The following PARD3B variants were observed in gnomAD, a reference collection of about 807,000 sequenced individuals.
The protein encoded by PARD3B is partitioning defective 3 homolog B.
Under a neutral mutation model 130.2 loss-of-function variants are expected in PARD3B, and 103 were observed. That is an observed-to-expected ratio of 0.79 (90% CI 0.67 to 0.93). The LOEUF (loss-of-function observed/expected upper bound fraction) is 0.93, where lower values mean the gene tolerates loss of function less well. Ranked by LOEUF, PARD3B falls within the 40% of genes least tolerant of loss-of-function variation. The pLI, the probability that PARD3B is intolerant of heterozygous loss-of-function variation, is 0.00. For missense variants in PARD3B, 1,609 were observed against 1,499.2 expected, an observed-to-expected ratio of 1.07 and a Z score of -1.21; for synonymous variants, 583 against 553.2, an observed-to-expected ratio of 1.05 and a Z score of -0.76.
At chr2:205,145,447 T>A (rs1233927165) in intron 10 of PARD3B, among the ~76,000 whole-genome samples, 2 of 152,258 alleles carry the variant, frequency 1.3e-5, no homozygotes, top group African/African-American at 4.8e-5. Flanking sequence ...TCTGCATCTT[T>A]AAAAGCCAGC....
At chr2:204,554,151 T>C (rs2030746718) in intron 1 of PARD3B, among the ~76,000 whole-genome samples, 1 of 152,156 alleles carries the variant, frequency 6.6e-6, no homozygotes, top group South Asian at 2.1e-4. Context: ...TGGTTGTTCC[T>C]TCTTTCCTCC....
chr2:204,629,435 CATCTTCA>C (rs1229878242), intron 1 of PARD3B, among the ~76,000 whole-genome samples: 5 of 152,134 alleles, frequency 3.3e-5, no homozygotes, highest in Non-Finnish European at 7.3e-5. Flanking sequence ...TGAATTCAGT[CATCTTCA>C]AAACCGTGTT....
intron 2 of PARD3B, among the ~76,000 whole-genome samples, chr2:204,753,406 T>C (rs1273699864): frequency 6.6e-6 from 1 of 152,176 alleles, no homozygotes. Context: ...AGTTCTTTGA[T>C]CTTATAGCTA....
chr2:205,197,925 T>C (rs943482358), intron 15 of PARD3B, among the ~76,000 whole-genome samples: 2 of 152,192 alleles, frequency 1.3e-5, no homozygotes, highest in African/African-American at 4.8e-5. Flanking sequence ...CATAGGGTTT[T>C]CCCCCAAAGA....
chr2:204,816,682 T>TA (rs1422104181), intron 2 of PARD3B, among the ~76,000 whole-genome samples: 8 of 152,018 alleles, frequency 5.3e-5, no homozygotes, highest in South Asian at 4.1e-4. Flanking sequence ...ATTTTTTTTT[T>TA]ACCACTGATT....
At chr2:205,364,332 C>T (rs536760460) in intron 18 of PARD3B, among the ~76,000 whole-genome samples, 166 of 152,230 alleles carry the variant, frequency 1.1e-3, no homozygotes, top group Admixed American at 1.6e-3. Flanking sequence ...TTAGTCTTGA[C>T]GTAGATAAGA....
intron 2 of PARD3B, among the ~76,000 whole-genome samples, chr2:204,804,235 A>G (rs980392287): frequency 1.3e-5 from 2 of 152,162 alleles, no homozygotes; most frequent in African/African-American, 2.4e-5. Context: ...TCTCAAAAAA[A>G]CAACTCTTGC....
At chr2:204,721,093 G>A (rs570621356) in intron 2 of PARD3B, among the ~76,000 whole-genome samples, 22 of 152,280 alleles carry the variant, frequency 1.4e-4, no homozygotes, top group African/African-American at 5.3e-4. Context: ...TCGCTGCAAA[G>A]CAGGGTGGGG....
At chr2:204,996,935 C>G (rs940396159) in intron 3 of PARD3B, among the ~76,000 whole-genome samples, 1 of 151,956 alleles carries the variant, frequency 6.6e-6, no homozygotes, top group Admixed American at 6.5e-5. Context: ...CGCCCTGCTT[C>G]GGCTCGCACA....
intron 2 of PARD3B, among the ~76,000 whole-genome samples, chr2:204,883,436 T>A (rs13026406): frequency 3.3e-4 from 33 of 101,336 alleles, no homozygotes; most frequent in Admixed American, 2.4e-3. Flanking sequence ...ATATATAAAA[T>A]ATATATATAT....
intron 1 of PARD3B, among the ~76,000 whole-genome samples, chr2:204,635,824 A>G (rs2034855356): frequency 6.6e-6 from 1 of 152,210 alleles, no homozygotes; most frequent in South Asian, 2.1e-4. Context: ...TAAATTATTA[A>G]TGTATCATAA....
At chr2:205,581,283 T>TAGATAGATATAGAC (rs1309815443) in intron 22 of PARD3B, among the ~76,000 whole-genome samples, 1 of 127,570 alleles carries the variant, frequency 7.8e-6, no homozygotes, top group Non-Finnish European at 1.6e-5. Context: ...TAGATATAGA[T>TAGATAGATATAGAC]ATATAGATAG....
At chr2:204,758,602 G>A (rs749174783) in intron 2 of PARD3B, among the ~76,000 whole-genome samples, 1 of 152,076 alleles carries the variant, frequency 6.6e-6, no homozygotes, top group South Asian at 2.1e-4. Context: ...ATTAAATAAC[G>A]TTTCTCCAGG....
At chr2:205,555,913 C>CAAATT (rs1458103894) in intron 22 of PARD3B, among the ~76,000 whole-genome samples, 1 of 152,128 alleles carries the variant, frequency 6.6e-6, no homozygotes, top group East Asian at 1.9e-4. Context: ...TGGGGGGCTC[C>CAAATT]AAATTAAACT....
intron 18 of PARD3B, among the ~76,000 whole-genome samples, chr2:205,312,418 G>A (rs1024233237): frequency 6.6e-6 from 1 of 152,202 alleles, no homozygotes; most frequent in South Asian, 2.1e-4. Context: ...GCTAGGTGGA[G>A]AAATACATTG....
rs762517798 is a variant in PARD3B at position 204,965,336 on chromosome 2, T to C, written c.394+13T>C. 1 of 1,610,844 alleles carries C rather than the reference T, an allele frequency of 6.2e-7. No homozygotes were observed. The highest frequency in any genetic ancestry group is 1.1e-5 in the South Asian group (1 of 90,652). ...GCTCTAAAACTAGGTATGTGTAATGTTTATGATATTCTTTTCACCTGACTG... is the reference window on the plus strand; with the variant it reads ...GCTCTAAAACTAGGTATGTGTAATGCTTATGATATTCTTTTCACCTGACTG... On this transcript the variant is annotated intron_variant, in intron 3 of 22. Transcript: ENST00000406610.
At chr2:204,949,934 TAGATACAAGATACTGTCCA>T (rs1291165314) in intron 2 of PARD3B, among the ~76,000 whole-genome samples, 5 of 152,234 alleles carry the variant, frequency 3.3e-5, no homozygotes, top group Non-Finnish European at 5.9e-5. Context: ...AAGCACTCTC[TAGATACAAGATACTGTCCA>T]AGATACAAAT....
At chr2:205,465,679 A>G (rs1026258115) in intron 20 of PARD3B, among the ~76,000 whole-genome samples, 6 of 152,202 alleles carry the variant, frequency 3.9e-5, no homozygotes, top group African/African-American at 9.6e-5. Context: ...AGAAAAACTG[A>G]TAATTCAAAG....
Position 205,276,024 on chromosome 2 carries a change from A to C in PARD3B, c.2186-24506A>C, listed in dbSNP as rs936048131. On this transcript the variant is annotated intron_variant, in intron 16 of 22. Coordinates refer to ENST00000406610, the MANE Select transcript of PARD3B (RefSeq NM_001302769.2). This position sits in a 1 kb window ranked among gnomAD's most constrained non-coding sequence, Gnocchi z 5.0. ...ACACAGTAATCTCAGGTGTGTTCAT[A>C]TTATCATTATTTAGTCTGAGAAATC... 7.2e-5 allele frequency among the ~76,000 whole-genome samples: 11 copies of C among 152,132 alleles called. No individual in the cohort carries two copies. The highest frequency in any genetic ancestry group is 5.2e-4 in the Admixed American group (8 of 15,262).
Sources: allele counts gnomAD v4.1 joint callset (sites outside exome capture counted in the v4.1 genomes callset), GRCh38; gene constraint gnomAD v4.1.1; non-coding constraint Gnocchi (gnomAD v3.1); transcripts MANE v1.5; gene names NCBI Gene and HGNC (gene_info 2026-07-23, HGNC 2026-07-21).